RHOBTB1: variants seen among roughly 807,000 people sequenced by gnomAD.
The protein encoded by RHOBTB1 is Rho related BTB domain containing 1.
In RHOBTB1, 40 loss-of-function variants were observed where a neutral mutation model predicts 71.6. The ratio of observed to expected loss-of-function variants is 0.56; its 90% CI spans 0.43 to 0.73. The LOEUF is 0.73. Among genes scored for constraint, RHOBTB1 ranks in the 30% least tolerant of loss-of-function variants. RHOBTB1 has a pLI of 0.00. For synonymous variants in RHOBTB1, 319 were observed against 334.9 expected (o/e 0.95, Z 0.52); for missense variants, 797 against 894.0 (o/e 0.89, Z 1.38).
intron 2 of RHOBTB1, among the ~76,000 whole-genome samples, chr10:60,930,386 A>G (rs2084171481): frequency 6.6e-6 from 1 of 152,206 alleles, no homozygotes; most frequent in Admixed American, 6.5e-5. Flanking sequence ...AACATCAGTA[A>G]GTCTTATCTA....
chr10:60,953,192 C>T (rs573103668), intron 2 of RHOBTB1, among the ~76,000 whole-genome samples: 21 of 152,184 alleles, frequency 1.4e-4, no homozygotes, highest in African/African-American at 4.1e-4. Flanking sequence ...TTAGCCTCCT[C>T]GTGAGTGTAT....
intron 1 of RHOBTB1, among the ~76,000 whole-genome samples, chr10:60,986,767 T>C (rs1435573664): frequency 4.6e-5 from 7 of 152,148 alleles, no homozygotes; most frequent in Admixed American, 4.6e-4. Context: ...TTATTATTGC[T>C]GTAAAAACTG....
At chr10:60,877,463 T>TA (rs2081100297) in intron 8 of RHOBTB1, among the ~76,000 whole-genome samples, 1 of 152,204 alleles carries the variant, frequency 6.6e-6, no homozygotes, top group African/African-American at 2.4e-5. Context: ...ACCTGGTCAG[T>TA]AAATGGTGGA....
intron 1 of RHOBTB1, among the ~76,000 whole-genome samples, chr10:60,992,349 A>G (rs1168486287): frequency 6.6e-6 from 1 of 152,194 alleles, no homozygotes; most frequent in Non-Finnish European, 1.5e-5. Flanking sequence ...GTATTTTCCA[A>G]TCCTATTATC....
chr10:61,000,909 C>T (rs772735627), intron 1 of RHOBTB1, among the ~76,000 whole-genome samples: 11 of 152,154 alleles, frequency 7.2e-5, no homozygotes, highest in Non-Finnish European at 4.4e-5. Context: ...ACCTTAGGGC[C>T]GGGCATGAGG....
chr10:60,919,752 C>T (rs371992615), intron 2 of RHOBTB1, among the ~76,000 whole-genome samples: 284 of 152,286 alleles, frequency 1.9e-3, no homozygotes, highest in African/African-American at 6.1e-3. Context: ...TTACTACATC[C>T]GCTCATGATT....
At chr10:60,949,478 G>A (rs922037603) in intron 2 of RHOBTB1, among the ~76,000 whole-genome samples, 11 of 152,150 alleles carry the variant, frequency 7.2e-5, no homozygotes, top group Admixed American at 3.3e-4. Flanking sequence ...GTATTACTCA[G>A]ACCAACTCTT....
At chr10:60,895,468 G>A (rs1469266089) in intron 4 of RHOBTB1, among the ~76,000 whole-genome samples, 2 of 152,202 alleles carry the variant, frequency 1.3e-5, no homozygotes, top group African/African-American at 4.8e-5. Flanking sequence ...GCACTGGCAT[G>A]ATCTCAGCTC....
At chr10:60,880,177 C>CTGTG (rs1554829436) in intron 7 of RHOBTB1, among the ~76,000 whole-genome samples, 68 of 100,614 alleles carry the variant, frequency 6.8e-4, no homozygotes, top group African/African-American at 2.3e-3. Context: ...TGAGGGATGA[C>CTGTG]TGTGTGTGTG....
intron 4 of RHOBTB1, 69 bp from the exon 5 acceptor site, chr10:60,893,064 C>G: frequency 1.7e-6 from 2 of 1,162,126 alleles, no homozygotes; most frequent in Non-Finnish European, 2.5e-6. Flanking sequence ...ATTATGGTTC[C>G]TCTCAAACCC....
chr10:60,952,432 C>T (rs574483577), intron 2 of RHOBTB1, among the ~76,000 whole-genome samples: 2 of 152,242 alleles, frequency 1.3e-5, no homozygotes, highest in South Asian at 4.2e-4. Context: ...GGCATGAAGC[C>T]AAATGCTTTT....
chr10:60,920,572 T>C lies in RHOBTB1; in HGVS notation c.-10-9020A>G, dbSNP rs149084085. Among the ~76,000 whole-genome samples the C allele has an allele frequency of 1.6e-3, 235 of 151,576 alleles. 1 individual carries two copies. The highest frequency in any genetic ancestry group is 2.9e-3 in the Non-Finnish European group (195 of 67,958). On this transcript the variant is annotated intron_variant, in intron 2 of 10. Coordinates refer to ENST00000337910, the MANE Select transcript of RHOBTB1 (RefSeq NM_014836.5). ...AGTTTGGATCTTATTCTAAATGCAG[T>C]GAAAAGCCACTGCAGTGTTTAAGCA...
intron 2 of RHOBTB1, among the ~76,000 whole-genome samples, chr10:60,984,340 T>A: frequency 6.6e-6 from 1 of 152,222 alleles, no homozygotes; most frequent in East Asian, 1.9e-4. Flanking sequence ...ATTTAATGGA[T>A]TGACTTTTCT....
At chr10:60,999,543 A>T (rs1256008875) in intron 1 of RHOBTB1, among the ~76,000 whole-genome samples, 1 of 152,264 alleles carries the variant, frequency 6.6e-6, no homozygotes, top group Non-Finnish European at 1.5e-5. Flanking sequence ...TATCTGCAGG[A>T]TATTAAAATG....
rs1323875241 is a variant in RHOBTB1, at chr10:60,930,590, A to G, written c.-11+11214T>C. Among the ~76,000 whole-genome samples, 4 of 152,238 alleles carry G rather than the reference A, an allele frequency of 2.6e-5. No individual in the cohort carries two copies. The East Asian group carries it at 5.8e-4, about 22-fold the overall frequency. On this transcript the variant is annotated intron_variant, in intron 2 of 10. Coordinates refer to ENST00000337910, the MANE Select transcript of RHOBTB1 (RefSeq NM_014836.5). ...AAGCACTGTCTTAGCAGAGTGACAT[A>G]GCAGAAAGAAACACAAACTGATTCT...
intron 2 of RHOBTB1, among the ~76,000 whole-genome samples, chr10:60,964,582 T>G (rs927250593): frequency 3.9e-5 from 6 of 152,168 alleles, no homozygotes; most frequent in Non-Finnish European, 8.8e-5. Context: ...CTAATTTTCC[T>G]GCAGCATTTT....
At chr10:60,893,129 A>G in intron 4 of RHOBTB1, 134 bp from the exon 5 acceptor site, 1 of 682,182 alleles carries the variant, frequency 1.5e-6, no homozygotes, top group Non-Finnish European at 2.4e-6. Flanking sequence ...ACCAGATATT[A>G]AAAAACATCT....
chr10:60,925,784 T>A (rs2083843739), intron 2 of RHOBTB1, among the ~76,000 whole-genome samples: 1 of 152,218 alleles, frequency 6.6e-6, no homozygotes, highest in African/African-American at 2.4e-5. Flanking sequence ...TGTATAACTA[T>A]ATGTCAATAA....
chr10:60,937,908 A>G (rs1169339976), intron 2 of RHOBTB1, among the ~76,000 whole-genome samples: 1 of 152,192 alleles, frequency 6.6e-6, no homozygotes, highest in African/African-American at 2.4e-5. Context: ...TGTGCTTTAC[A>G]TGCATGAGGA....
Sources: allele counts gnomAD v4.1 joint callset (sites outside exome capture counted in the v4.1 genomes callset), GRCh38; gene constraint gnomAD v4.1.1; transcripts MANE v1.5; gene names NCBI Gene and HGNC (gene_info 2026-07-23, HGNC 2026-07-21).